ERI3: variants seen among roughly 807,000 people sequenced by gnomAD.
ERI3 encodes ERI1 exoribonuclease 3.
In ERI3, 18 loss-of-function variants were observed where a neutral mutation model predicts 44.4. The ratio of observed to expected loss-of-function variants is 0.41; its 90% CI spans 0.28 to 0.60. The LOEUF is 0.60. ERI3 is among the 20% of genes least tolerant of loss of function. The probability of loss-of-function intolerance (pLI) is 0.36; values close to 1 mark genes in which losing one functional copy is unlikely to be tolerated. For synonymous variants in ERI3, 183 were observed against 164.8 expected (o/e 1.11, Z -0.84); for missense variants, 294 against 435.5 (o/e 0.68, Z 2.89).
At chr1:44,325,147 G>A (rs1646284363) in intron 3 of ERI3, among the ~76,000 whole-genome samples, 2 of 148,124 alleles carry the variant, frequency 1.4e-5, no homozygotes, top group South Asian at 2.1e-4. Flanking sequence ...CACAATCTCC[G>A]GCTCAATGTA....
intron 3 of ERI3, among the ~76,000 whole-genome samples, chr1:44,336,796 A>C (rs1646544097): frequency 6.6e-6 from 1 of 152,246 alleles, no homozygotes; most frequent in Admixed American, 6.5e-5. Context: ...ATGCTTTGCT[A>C]ATAATGAACC....
chr1:44,251,868 T>C (rs1644687682), intron 7 of ERI3, among the ~76,000 whole-genome samples: 1 of 152,184 alleles, frequency 6.6e-6, no homozygotes, highest in Non-Finnish European at 1.5e-5. Context: ...CACTGCTCCC[T>C]TCCCTCTCCT....
chr1:44,289,791 C>T (rs543867520), intron 6 of ERI3, among the ~76,000 whole-genome samples: 4 of 152,366 alleles, frequency 2.6e-5, no homozygotes, highest in South Asian at 4.1e-4. Context: ...GGTATGGCCA[C>T]GGTGAAGCCC....
intron 3 of ERI3, among the ~76,000 whole-genome samples, chr1:44,323,826 C>T (rs374979905): frequency 6.6e-6 from 1 of 152,316 alleles, no homozygotes; most frequent in African/African-American, 2.4e-5. Context: ...AGAGCTGGAA[C>T]TCCAAAATGG....
Position 44,346,272 on chromosome 1 carries a change from A to T in ERI3, c.211+6578T>A, listed in dbSNP as rs1646781206. Among the ~76,000 whole-genome samples the T allele has an allele frequency of 2.6e-5, 4 of 152,208 alleles. No homozygotes were observed. In the South Asian group the frequency reaches 8.3e-4, roughly 32 times the overall value. ...AACTACCAGCAGAGCTAAAATCACT[A>T]AAGATCTTCAGGAACACCAAATTCT... On this transcript the variant is annotated intron_variant, in intron 2 of 8. Transcript: ENST00000372257.
At chr1:44,299,063 T>C (rs1013098714) in intron 6 of ERI3, among the ~76,000 whole-genome samples, 3 of 152,070 alleles carry the variant, frequency 2.0e-5, no homozygotes, top group Admixed American at 6.6e-5. Flanking sequence ...TCTGGGATGA[T>C]GAAAAAGGTT....
At chr1:44,311,012 C>T (rs1279973345) in intron 5 of ERI3, among the ~76,000 whole-genome samples, 1 of 144,582 alleles carries the variant, frequency 6.9e-6, no homozygotes, top group African/African-American at 2.6e-5. Flanking sequence ...CACACACACA[C>T]ACACGTGCAG....
intron 7 of ERI3, among the ~76,000 whole-genome samples, chr1:44,264,696 G>T (rs1196120280): frequency 6.6e-6 from 1 of 152,116 alleles, no homozygotes; most frequent in East Asian, 1.9e-4. Context: ...AGGAAGGGGG[G>T]GCAGCCACCA....
chr1:44,262,291 A>C (rs756456869), intron 7 of ERI3, among the ~76,000 whole-genome samples: 19 of 152,184 alleles, frequency 1.2e-4, no homozygotes, highest in Non-Finnish European at 2.8e-4. Context: ...ACAGAGGCCC[A>C]GTTCAAGGCC....
intron 4 of ERI3, among the ~76,000 whole-genome samples, chr1:44,314,860 C>T (rs979554493): frequency 6.6e-6 from 1 of 152,264 alleles, no homozygotes; most frequent in South Asian, 2.1e-4. Flanking sequence ...TCAGCAGCCC[C>T]CTCCTACACC....
intron 2 of ERI3, among the ~76,000 whole-genome samples, chr1:44,339,922 C>T (rs916453810): frequency 6.6e-6 from 1 of 152,160 alleles, no homozygotes; most frequent in Non-Finnish European, 1.5e-5. Context: ...TCTGGTGATC[C>T]CCCAACCCCC....
chr1:44,286,382 G>A (rs1350497207), intron 6 of ERI3, among the ~76,000 whole-genome samples: 1 of 152,152 alleles, frequency 6.6e-6, no homozygotes, highest in Non-Finnish European at 1.5e-5. Context: ...GAGGCACCTA[G>A]GAGATATCTG....
chr1:44,281,515 G>C (rs1645281497), intron 7 of ERI3, among the ~76,000 whole-genome samples: 1 of 149,530 alleles, frequency 6.7e-6, no homozygotes, highest in African/African-American at 2.5e-5. Context: ...CTGAGCCCGG[G>C]AGTTCAAGGC....
intron 7 of ERI3, among the ~76,000 whole-genome samples, chr1:44,275,403 C>T (rs537529889): frequency 6.6e-6 from 1 of 152,300 alleles, no homozygotes; most frequent in East Asian, 1.9e-4. Flanking sequence ...CCTGCTATGG[C>T]CCCCAGCAAA....
At position 44,246,485 on chromosome 1, in the gene ERI3, C is replaced by G. The variant is rs187354937; in HGVS notation, c.931+1454G>C. 2.2e-3 allele frequency among the ~76,000 whole-genome samples: 340 copies of G among 152,328 alleles called. 2 individuals are homozygous for G. The highest frequency in any genetic ancestry group is 7.7e-3 in the African/African-American group (321 of 41,570). On this transcript the variant is annotated intron_variant, in intron 8 of 8. Coordinates refer to ENST00000372257, the MANE Select transcript of ERI3 (RefSeq NM_024066.3). ...AGGGAACAGCAGTTATGGTGGAGCA[C>G]CCCCACTTCCCCAGGCCTGTTGGTC...
chr1:44,282,456 T>C (rs1046299590), intron 7 of ERI3, among the ~76,000 whole-genome samples: 7 of 152,140 alleles, frequency 4.6e-5, no homozygotes, highest in African/African-American at 1.4e-4. Context: ...ATGGAGTAAG[T>C]CTTTTACATA....
intron 7 of ERI3, among the ~76,000 whole-genome samples, chr1:44,283,084 G>C (rs185205588): frequency 6.6e-6 from 1 of 152,322 alleles, no homozygotes; most frequent in Non-Finnish European, 1.5e-5. Context: ...GCCTCGCCTG[G>C]CCGGGCCTTC....
At chr1:44,339,498 G>A (rs1028262905) in intron 2 of ERI3, among the ~76,000 whole-genome samples, 176 bp from the exon 3 acceptor site, 1 of 151,884 alleles carries the variant, frequency 6.6e-6, no homozygotes, top group Non-Finnish European at 1.5e-5. Flanking sequence ...CTAAATCATA[G>A]TATTCGTTAC....
At chr1:44,347,879 T>TTGTGTGTGTG (rs113526509) in intron 2 of ERI3, among the ~76,000 whole-genome samples, 51 of 148,786 alleles carry the variant, frequency 3.4e-4, no homozygotes, top group African/African-American at 1.2e-3. Context: ...GATTGTTTTG[T>TTGTGTGTGTG]TGTGTGTGTG....
Sources: allele counts gnomAD v4.1 joint callset (sites outside exome capture counted in the v4.1 genomes callset), GRCh38; gene constraint gnomAD v4.1.1; transcripts MANE v1.5; gene names NCBI Gene and HGNC (gene_info 2026-07-23, HGNC 2026-07-21).